PYGB: variants seen among roughly 807,000 people sequenced by gnomAD.
PYGB encodes glycogen phosphorylase, brain form.
In PYGB, 82 loss-of-function variants were observed where a neutral mutation model predicts 94.3. That is an observed-to-expected ratio of 0.87 (90% CI 0.73 to 1.04). PYGB has a LOEUF of 1.04. Among genes scored for constraint, PYGB ranks in the 50% least tolerant of loss-of-function variants. The pLI is 0.00. For synonymous variants in PYGB, 488 were observed against 479.1 expected (o/e 1.02, Z -0.24); for missense variants, 1,132 against 1,158.2 (o/e 0.98, Z 0.33).
chr20:25,248,368 C>T lies in PYGB; in HGVS notation c.190C>T (p.Leu64Phe). The T allele has an allele frequency of 1.9e-6, 3 of 1,595,196 alleles. No homozygotes were observed. The highest frequency in any genetic ancestry group is 1.1e-5 in the South Asian group (1 of 88,656). The change falls in exon 1 of 20, where the codon CTC (leucine) becomes TTC (phenylalanine). Residue 64 changes from leucine to phenylalanine, a missense_variant. By Grantham distance (22) the Leu-to-Phe change is conservative. Coordinates refer to ENST00000216962, the MANE Select transcript of PYGB (RefSeq NM_002862.4). Reference sequence around the variant, plus strand: ...GCTGGCGCACACGGTGCGCGACCACCTCGTGGGCCGCTGGATCCGCACGCA... The same window carrying T: ...GCTGGCGCACACGGTGCGCGACCACTTCGTGGGCCGCTGGATCCGCACGCA... ...FALAHTVRDH[L>F]VGRWIRTQQH... is the part of the protein sequence containing the mutation.
chr20:25,282,164 A>G lies in PYGB; in HGVS notation c.1518+17A>G, dbSNP rs1384902237. 1 of 1,586,056 alleles carries G rather than the reference A, an allele frequency of 6.3e-7. No individual in the cohort carries two copies. Among genetic ancestry groups the G allele is most frequent in the Non-Finnish European group, 8.6e-7 (1 of 1,160,356 alleles). On this transcript the variant is annotated intron_variant, in intron 12 of 19. Transcript: ENST00000216962. ...ATCGTGGAGGTGAGTCCCGGGCCCCACCCGTGCCTGTGGAGATGCCTGGGC... is the reference window on the plus strand; with the variant it reads ...ATCGTGGAGGTGAGTCCCGGGCCCCGCCCGTGCCTGTGGAGATGCCTGGGC...
At chr20:25,262,547 A>T (rs2092915920) in intron 2 of PYGB, among the ~76,000 whole-genome samples, 1 of 152,210 alleles carries the variant, frequency 6.6e-6, no homozygotes. Flanking sequence ...AGACCATCAA[A>T]GCTAGGAAGA....
chr20:25,274,699 C>A lies in PYGB; in HGVS notation c.636C>A (p.Asp212Glu). Reference protein sequence around the residue: ...HFYGRVEHTPDGVKWLDTQVV... With the variant: ...HFYGRVEHTPEGVKWLDTQVV... ...ACGGACGCGTGGAGCACACCCCCGA[C>A]GGCGTGAAGTGGCTGGACACACAGG... The change falls in exon 5 of 20, where the codon GAC becomes GAA. Residue 212 changes from aspartate to glutamate, a missense_variant. Physicochemically the swap from Asp to Glu is conservative, Grantham distance 45. Coordinates refer to ENST00000216962, the MANE Select transcript of PYGB (RefSeq NM_002862.4). The A allele has an allele frequency of 6.2e-7, 1 of 1,613,390 alleles. No individual in the cohort carries two copies. The highest frequency in any genetic ancestry group is 8.5e-7 in the Non-Finnish European group (1 of 1,179,934).
intron 2 of PYGB, among the ~76,000 whole-genome samples, chr20:25,264,578 C>T (rs1471342701): frequency 1.3e-5 from 2 of 152,184 alleles, no homozygotes; most frequent in Non-Finnish European, 2.9e-5. Flanking sequence ...TCAGCAAAGT[C>T]TCAGGATACA....
At chr20:25,259,376 CGTG>C in intron 2 of PYGB, 38 bp downstream of exon 2, 1 of 1,496,700 alleles carries the variant, frequency 6.7e-7, no homozygotes, top group East Asian at 2.3e-5. Flanking sequence ...GGTGGCCCCT[CGTG>C]GTGCTTTGAG....
At chr20:25,290,261 G>A (rs904434824) in intron 15 of PYGB, among the ~76,000 whole-genome samples, 20 of 152,206 alleles carry the variant, frequency 1.3e-4, no homozygotes, top group Non-Finnish European at 8.8e-5. Flanking sequence ...GACTTGAGGC[G>A]GACACGTTTC....
At position 25,269,299 on chromosome 20, in the gene PYGB, G is replaced by A. The variant is rs1419095621; in HGVS notation, c.424+92G>A. The A allele has an allele frequency of 5.7e-6, 6 of 1,055,290 alleles. No homozygotes were observed. The East Asian group carries it at 1.5e-4, about 26-fold the overall frequency. The allele number at this position is 1,055,290 out of a possible 1,614,324, so 65.4% of individuals were successfully genotyped here. ...GCCAGGGTCAGGTAAATTGGCCTCA[G>A]GGTAAATTGGCTTTGAGTGGATGGG... On this transcript the variant is annotated intron_variant, in intron 3 of 19. Transcript: ENST00000216962.
chr20:25,280,515 AC>A, intron 10 of PYGB, 103 bp downstream of exon 10: 1 of 1,447,350 alleles, frequency 6.9e-7, no homozygotes, highest in Admixed American at 1.8e-5. Flanking sequence ...TGAACGAGGC[AC>A]CCTCTGTTCA....
At chr20:25,252,019 T>C (rs1293945546) in intron 1 of PYGB, among the ~76,000 whole-genome samples, 1 of 152,236 alleles carries the variant, frequency 6.6e-6, no homozygotes, top group Non-Finnish European at 1.5e-5. Context: ...TAGTCAGTTG[T>C]GGTACCAGCC....
chr20:25,278,797 G>A (rs990894658), intron 8 of PYGB, among the ~76,000 whole-genome samples: 12 of 152,178 alleles, frequency 7.9e-5, no homozygotes, highest in South Asian at 4.1e-4. Flanking sequence ...CCTCCCCTCC[G>A]GCTGCAGCAC....
At chr20:25,292,260 G>A (rs919021939) in intron 16 of PYGB, 146 bp from the exon 17 acceptor site, 11 of 819,688 alleles carry the variant, frequency 1.3e-5, no homozygotes, top group African/African-American at 3.1e-5. Context: ...CTGTGGGAGC[G>A]GGAGTGGGGG....
intron 19 of PYGB, among the ~76,000 whole-genome samples, 169 bp from the exon 20 acceptor site, chr20:25,296,201 G>A (rs151223737): frequency 1.3e-5 from 2 of 152,136 alleles, no homozygotes; most frequent in African/African-American, 4.8e-5. Flanking sequence ...TTCCTGGTCC[G>A]TGGGGTCCCC....
chr20:25,263,063 A>G (rs2092917250), intron 2 of PYGB, among the ~76,000 whole-genome samples: 1 of 152,214 alleles, frequency 6.6e-6, no homozygotes, highest in Non-Finnish European at 1.5e-5. Context: ...TCAACGAGAC[A>G]GAAAGTTAAC....
chr20:25,276,223 C>CG (rs1327771279), intron 5 of PYGB, among the ~76,000 whole-genome samples: 1 of 151,930 alleles, frequency 6.6e-6, no homozygotes, highest in Admixed American at 6.5e-5. Flanking sequence ...AGGTGATCTG[C>CG]GGGGCAAGCA....
intron 14 of PYGB, among the ~76,000 whole-genome samples, chr20:25,287,500 C>T (rs1335700168): frequency 6.6e-6 from 1 of 152,064 alleles, no homozygotes; most frequent in African/African-American, 2.4e-5. Flanking sequence ...AAAAAATTAG[C>T]TGCATGTGGT....
chr20:25,282,354 C>T (rs576612339), intron 12 of PYGB, among the ~76,000 whole-genome samples: 8 of 152,330 alleles, frequency 5.3e-5, no homozygotes, highest in Admixed American at 2.6e-4. Context: ...GTCCTGTGTG[C>T]GAGTTCAGAA....
rs2088383253 is a variant in PYGB, at chr20:25,283,103, G to A, written c.1519-73G>A. On this transcript the variant is annotated intron_variant, in intron 12 of 19. Transcript: ENST00000216962. ...GCAGGGGCGTGGGCAACAATGGGAGGAGGGCAGGTGGCTAGGGGGCCCAGC... is the reference window on the plus strand; with the variant it reads ...GCAGGGGCGTGGGCAACAATGGGAGAAGGGCAGGTGGCTAGGGGGCCCAGC... The A allele has an allele frequency of 4.0e-6, 5 of 1,257,558 alleles. No homozygotes were observed. In the African/African-American group the frequency reaches 4.4e-5, roughly 11 times the overall value. 77.9% of individuals were successfully genotyped at this position (1,257,558 alleles called of 1,614,324 possible). A position where few individuals can be genotyped will look rare whatever the true frequency, so the allele number is the denominator to read the frequency against.
chr20:25,295,001 T>C, intron 18 of PYGB: 2 of 1,614,224 alleles, frequency 1.2e-6, no homozygotes, highest in Non-Finnish European at 8.5e-7. Flanking sequence ...CATGCTGGGA[T>C]CTGGGCTGGA....
chr20:25,261,431 A>C (rs1217112933), intron 2 of PYGB, among the ~76,000 whole-genome samples: 1 of 152,350 alleles, frequency 6.6e-6, no homozygotes, highest in African/African-American at 2.4e-5. Context: ...TGACTGTTAG[A>C]AGGAAAACTA....
Sources: allele counts gnomAD v4.1 joint callset (sites outside exome capture counted in the v4.1 genomes callset), GRCh38; gene constraint gnomAD v4.1.1; transcripts MANE v1.5; gene names NCBI Gene and HGNC (gene_info 2026-07-23, HGNC 2026-07-21).